CLSTN2: variants seen among roughly 807,000 people sequenced by gnomAD.
CLSTN2 encodes calsyntenin 2.
Under a neutral mutation model 101.2 loss-of-function variants are expected in CLSTN2, and 48 were observed. That is an observed-to-expected ratio of 0.47 (90% confidence interval 0.38 to 0.60). CLSTN2 has a LOEUF of 0.60. Ranked by LOEUF, CLSTN2 falls within the 20% of genes least tolerant of loss-of-function variation. CLSTN2 has a pLI of 0.00. For missense variants in CLSTN2, 1,160 were observed against 1,238.2 expected, an observed-to-expected ratio of 0.94 and a Z score of 0.95; for synonymous variants, 481 against 463.6, an observed-to-expected ratio of 1.04 and a Z score of -0.48.
At chr3:140,310,498 C>G (rs1012568481) in intron 2 of CLSTN2, among the ~76,000 whole-genome samples, 2 of 152,148 alleles carry the variant, frequency 1.3e-5, no homozygotes, top group Non-Finnish European at 2.9e-5. Context: ...GTAATGGTGA[C>G]CTCTGTGGGA....
chr3:140,019,972 G>A (rs2007274628), intron 1 of CLSTN2, among the ~76,000 whole-genome samples: 1 of 152,138 alleles, frequency 6.6e-6, no homozygotes, highest in Non-Finnish European at 1.5e-5. Context: ...AAATTGGGTG[G>A]AACCTCTGGG....
At chr3:140,269,791 G>A (rs1416305833) in intron 2 of CLSTN2, among the ~76,000 whole-genome samples, 1 of 152,182 alleles carries the variant, frequency 6.6e-6, no homozygotes, top group Non-Finnish European at 1.5e-5. Context: ...TATTGAGAGA[G>A]GGATTACTCC....
intron 1 of CLSTN2, among the ~76,000 whole-genome samples, chr3:139,978,670 G>C (rs868460070): frequency 9.5e-6 from 1 of 104,944 alleles, no homozygotes; most frequent in African/African-American, 2.9e-5. Flanking sequence ...GTGTGTGTGT[G>C]TGTGTGTGTG....
rs145103374 is a variant in CLSTN2, at chr3:140,251,968, G to A, written c.232+75895G>A. Among the ~76,000 whole-genome samples, 303 of 152,316 alleles carry A rather than the reference G, an allele frequency of 2.0e-3. 1 individual carries two copies. Among genetic ancestry groups the A allele is most frequent in the Admixed American group, 6.9e-3 (105 of 15,288 alleles). On this transcript the variant is annotated intron_variant, in intron 2 of 16. Coordinates refer to ENST00000458420, the MANE Select transcript of CLSTN2 (RefSeq NM_022131.3). Reference sequence around the variant, plus strand: ...AATTGCAGGGTTTGATGTGGCAGCTGCAGTGGGGAGACAGGGCCTAGGGTA... The same window carrying A: ...AATTGCAGGGTTTGATGTGGCAGCTACAGTGGGGAGACAGGGCCTAGGGTA...
intron 9 of CLSTN2, among the ~76,000 whole-genome samples, chr3:140,543,232 A>T (rs1291286522): frequency 6.6e-6 from 1 of 152,166 alleles, no homozygotes; most frequent in Non-Finnish European, 1.5e-5. Context: ...CAGCTCCACC[A>T]TTCACACACA....
intron 1 of CLSTN2, among the ~76,000 whole-genome samples, chr3:139,946,290 A>G (rs1935213558): frequency 6.6e-6 from 1 of 152,184 alleles, no homozygotes; most frequent in African/African-American, 2.4e-5. Context: ...GAAGCTGGAG[A>G]TGCTTCTGCC....
At chr3:140,320,740 G>C (rs973730822) in intron 2 of CLSTN2, among the ~76,000 whole-genome samples, 1 of 152,076 alleles carries the variant, frequency 6.6e-6, no homozygotes, top group East Asian at 1.9e-4. Flanking sequence ...CAAGTTCATT[G>C]TTAGCTGGAG....
chr3:140,132,658 T>C (rs1305478518), intron 1 of CLSTN2, among the ~76,000 whole-genome samples: 2 of 152,240 alleles, frequency 1.3e-5, no homozygotes, highest in African/African-American at 4.8e-5. Flanking sequence ...AAATAGGTGC[T>C]CTAGGGAAGT....
At chr3:140,057,292 T>C (rs1054108875) in intron 1 of CLSTN2, among the ~76,000 whole-genome samples, 2 of 152,242 alleles carry the variant, frequency 1.3e-5, no homozygotes, top group African/African-American at 2.4e-5. Context: ...ATTCTACTGA[T>C]GCCAGGTTGA....
At chr3:140,066,041 G>T (rs2008293688) in intron 1 of CLSTN2, among the ~76,000 whole-genome samples, 1 of 152,206 alleles carries the variant, frequency 6.6e-6, no homozygotes, top group Non-Finnish European at 1.5e-5. Flanking sequence ...AACAGAATTG[G>T]TAACTGAAGC....
chr3:140,341,963 G>A (rs1416476173), intron 2 of CLSTN2, among the ~76,000 whole-genome samples: 2 of 152,196 alleles, frequency 1.3e-5, no homozygotes, highest in Non-Finnish European at 2.9e-5. Context: ...AAGGTTCAGT[G>A]AGGACATTGT....
intron 12 of CLSTN2, among the ~76,000 whole-genome samples, chr3:140,561,685 G>A (rs577556280): frequency 1.8e-4 from 27 of 152,170 alleles, no homozygotes; most frequent in African/African-American, 5.1e-4. Flanking sequence ...GGGAGACTAC[G>A]ATCACATGGA....
intron 1 of CLSTN2, among the ~76,000 whole-genome samples, chr3:140,172,108 A>C (rs1383604219): frequency 2.0e-5 from 3 of 150,734 alleles, no homozygotes; most frequent in African/African-American, 7.3e-5. Flanking sequence ...CTTTTAAACT[A>C]TGAATTAGGG....
chr3:140,241,642 T>C (rs1476745249), intron 2 of CLSTN2, among the ~76,000 whole-genome samples: 4 of 151,926 alleles, frequency 2.6e-5, no homozygotes, highest in Non-Finnish European at 1.5e-5. Flanking sequence ...TAGGCACTTG[T>C]ATACCAAGGA....
intron 1 of CLSTN2, among the ~76,000 whole-genome samples, chr3:139,953,151 C>G (rs571038509): frequency 1.5e-4 from 23 of 152,092 alleles, no homozygotes; most frequent in Non-Finnish European, 2.4e-4. Flanking sequence ...TTGATACCTT[C>G]TAGGAAATGC....
At chr3:140,195,562 A>T (rs61464238) in intron 2 of CLSTN2, among the ~76,000 whole-genome samples, 2,663 of 152,222 alleles carry the variant, frequency 0.017, 82 homozygotes, top group African/African-American at 0.061. Context: ...ATAGTTTTTA[A>T]AAAAAAATCT....
At chr3:140,451,303 G>C (rs113818231) in intron 6 of CLSTN2, among the ~76,000 whole-genome samples, 68 of 152,244 alleles carry the variant, frequency 4.5e-4, no homozygotes, top group African/African-American at 1.5e-3. Context: ...AGAAATTTTC[G>C]AACAAAATTG....
chr3:140,041,101 C>T (rs1321023404), intron 1 of CLSTN2, among the ~76,000 whole-genome samples: 2 of 152,176 alleles, frequency 1.3e-5, no homozygotes, highest in Non-Finnish European at 2.9e-5. Context: ...ATTACCTCTT[C>T]CATTCATCAC....
chr3:140,363,309 C>T (rs1043860799), intron 2 of CLSTN2, among the ~76,000 whole-genome samples: 2 of 152,168 alleles, frequency 1.3e-5, no homozygotes, highest in Admixed American at 6.5e-5. Context: ...AAATCTGTCT[C>T]AGGTGGCTGC....
Sources: allele counts gnomAD v4.1 joint callset (sites outside exome capture counted in the v4.1 genomes callset), GRCh38; gene constraint gnomAD v4.1.1; transcripts MANE v1.5; gene names NCBI Gene and HGNC (gene_info 2026-07-23, HGNC 2026-07-21).